The following GRID2IP variants were observed in gnomAD, a reference collection of about 807,000 sequenced individuals.
GRID2IP encodes the protein delphilin.
A neutral mutation model predicts 114.3 loss-of-function variants in GRID2IP; 78 were observed. The observed-to-expected ratio is 0.68, with a 90% CI of 0.57 to 0.82. GRID2IP has a LOEUF of 0.82. GRID2IP is among the 40% of genes least tolerant of loss of function. The probability of loss-of-function intolerance (pLI) is 0.00; values close to 1 mark genes in which losing one functional copy is unlikely to be tolerated. For synonymous variants in GRID2IP, 809 were observed against 724.0 expected (o/e 1.12, Z -1.89); for missense variants, 1,727 against 1,678.5 (o/e 1.03, Z -0.51).
chr7:6,511,123 G>A lies in GRID2IP; in HGVS notation c.1424-84C>T, dbSNP rs957146926. Reference sequence around the variant, plus strand: ...CCAAAACAGGGAGGGGAGGGCAGATGTCATCTGCACCAATATGCAGACCCC... The same window carrying A: ...CCAAAACAGGGAGGGGAGGGCAGATATCATCTGCACCAATATGCAGACCCC... On this transcript the variant is annotated intron_variant, in intron 8 of 21. Coordinates refer to ENST00000457091, the MANE Select transcript of GRID2IP (RefSeq NM_001145118.2). 3 of 1,313,500 alleles carry A rather than the reference G, an allele frequency of 2.3e-6. 1 individual carries two copies. The East Asian group carries it at 9.3e-5, about 41-fold the overall frequency. The allele number at this position is 1,313,500 out of a possible 1,614,324, so 81.4% of individuals were successfully genotyped here. A position where few individuals can be genotyped will look rare whatever the true frequency, so the allele number is the denominator to read the frequency against.
Position 6,536,252 on chromosome 7 carries a change from G to GA in GRID2IP, c.584+3465_584+3466insT, listed in dbSNP as rs1779720326. Among the ~76,000 whole-genome samples the GA allele has an allele frequency of 6.6e-6, 1 of 152,208 alleles. No homozygotes were observed. Among genetic ancestry groups the GA allele is most frequent in the Non-Finnish European group, 1.5e-5 (1 of 68,030 alleles). On this transcript the variant is annotated intron_variant, in intron 2 of 21. Coordinates refer to ENST00000457091, the MANE Select transcript of GRID2IP (RefSeq NM_001145118.2). This position sits in a 1 kb window ranked among gnomAD's most constrained non-coding sequence, Gnocchi z 5.3. Reference sequence around the variant, plus strand: ...ACATTCTCCTTGCGGAGCCCAGCTGGGCGCCGCCCCTTCCTCCAGCAGCCT... The same window carrying GA: ...ACATTCTCCTTGCGGAGCCCAGCTGGAGCGCCGCCCCTTCCTCCAGCAGCCT...
At chr7:6,514,629 G>T in intron 7 of GRID2IP, 100 bp from the exon 8 acceptor site, 1 of 1,053,648 alleles carries the variant, frequency 9.5e-7, no homozygotes, top group Non-Finnish European at 1.3e-6. Flanking sequence ...CACAGCGTCT[G>T]CCCTCATGCC....
At chr7:6,522,547 T>A (rs144067493) in intron 4 of GRID2IP, among the ~76,000 whole-genome samples, 1 of 152,000 alleles carries the variant, frequency 6.6e-6, no homozygotes. Flanking sequence ...AGTGCAGAGG[T>A]GTGATCACAG....
At position 6,536,917 on chromosome 7, in the gene GRID2IP, G is replaced by A. The variant is rs1355530114; in HGVS notation, c.584+2801C>T. The A allele has an allele frequency of 1.3e-5, 8 of 638,450 alleles. No homozygotes were observed. The highest frequency in any genetic ancestry group is 4.9e-5 in the South Asian group (3 of 60,940). The allele number at this position is 638,450 out of a possible 1,614,324, so 39.5% of individuals were successfully genotyped here. On this transcript the variant is annotated intron_variant, in intron 2 of 21. Coordinates refer to ENST00000457091, the MANE Select transcript of GRID2IP (RefSeq NM_001145118.2). This position sits in a 1 kb window ranked among gnomAD's most constrained non-coding sequence, Gnocchi z 5.3. ...GAGCTGCGCCGGGGCTGGGGTGGGC[G>A]GGGGGGCGGCGGGGAGGGTGGCCAG...
chr7:6,539,653 T>A, intron 2 of GRID2IP, 65 bp downstream of exon 2: 2 of 1,429,856 alleles, frequency 1.4e-6, no homozygotes, highest in South Asian at 1.4e-5. Context: ...GGGGTGGTTG[T>A]GAGGGAATGA....
intron 14 of GRID2IP, among the ~76,000 whole-genome samples, chr7:6,505,378 T>A (rs1332748181): frequency 7.9e-6 from 1 of 127,192 alleles, no homozygotes; most frequent in Non-Finnish European, 1.7e-5. Context: ...TTTTTTTTTT[T>A]AGACGGGGTC....
intron 4 of GRID2IP, among the ~76,000 whole-genome samples, chr7:6,525,037 G>A (rs184032450): frequency 3.8e-4 from 58 of 152,160 alleles, no homozygotes; most frequent in African/African-American, 1.2e-3. Flanking sequence ...CGAGTGTGGT[G>A]CTCTTGCCTG....
intron 16 of GRID2IP, 89 bp downstream of exon 16, chr7:6,503,402 A>G: frequency 7.6e-7 from 1 of 1,307,336 alleles, no homozygotes. Flanking sequence ...GCGGCCCCCG[A>G]AGGCGCGCGG....
At position 6,551,342 on chromosome 7, in the gene GRID2IP, A is replaced by G. The variant is rs915929511; in HGVS notation, c.95T>C (p.Val32Ala). Reference sequence around the variant, plus strand: ...GGCATGCGCGCTGCTCCCCTTGGCCACCTCCAGGACGAAGCAGGGGCCAGA... The same window carrying G: ...GGCATGCGCGCTGCTCCCCTTGGCCGCCTCCAGGACGAAGCAGGGGCCAGA... ...GGSGPCFVLE[V>A]AKGSSAHAGG... Residue 32 changes from valine (V) to alanine (A), a missense_variant, in exon 1 of 22, where the codon GTG becomes GCG. Coordinates refer to ENST00000457091, the MANE Select transcript of GRID2IP (RefSeq NM_001145118.2). The G allele has an allele frequency of 6.5e-7, 1 of 1,548,242 alleles. No homozygotes were observed. The highest frequency in any genetic ancestry group is 8.7e-7 in the Non-Finnish European group (1 of 1,146,550).
intron 7 of GRID2IP, among the ~76,000 whole-genome samples, chr7:6,517,822 G>T (rs546584381): frequency 2.6e-4 from 39 of 151,982 alleles, no homozygotes; most frequent in Non-Finnish European, 5.0e-4. Context: ...AGACACACTT[G>T]AACCGGGAAG....
At chr7:6,499,886 T>C (rs978498337) in intron 20 of GRID2IP, among the ~76,000 whole-genome samples, 2 of 151,942 alleles carry the variant, frequency 1.3e-5, no homozygotes, top group Non-Finnish European at 2.9e-5. Context: ...TGCACCACTA[T>C]GCCAGACTCA....
At position 6,532,356 on chromosome 7, in the gene GRID2IP, C is replaced by T. The variant is rs1779646367; in HGVS notation, c.585-5587G>A. 6.6e-6 allele frequency among the ~76,000 whole-genome samples: 1 copy of T among 152,104 alleles called. No homozygotes were observed. Among genetic ancestry groups the T allele is most frequent in the Admixed American group, 6.6e-5 (1 of 15,264 alleles). ...GAGGCAAGATGCCCCGGGGACTTTC[C>T]CTCTGTCTCACTCAGAGGGACAGCT... On this transcript the variant is annotated intron_variant, in intron 2 of 21. Coordinates refer to ENST00000457091, the MANE Select transcript of GRID2IP (RefSeq NM_001145118.2). The surrounding 1 kb of genome is among the most constrained non-coding windows in gnomAD (Gnocchi z 4.4).
rs1258384748 is a variant in GRID2IP, at chr7:6,502,994, G to C, written c.3063+14C>G. On this transcript the variant is annotated intron_variant, in intron 17 of 21. Transcript: ENST00000457091. ...AGAAGCAGATAGGGTGCCAGGAAGG[G>C]TACGCCCACTGACCTCCAGGATCTT... 9 of 1,551,474 alleles carry C rather than the reference G, an allele frequency of 5.8e-6. No homozygotes were observed. The highest frequency in any genetic ancestry group is 1.4e-5 in the African/African-American group (1 of 73,182).
intron 4 of GRID2IP, among the ~76,000 whole-genome samples, chr7:6,522,807 A>ATATGTGTGTGTGTGTG (rs1779437651): frequency 1.4e-5 from 2 of 147,574 alleles, no homozygotes; most frequent in Admixed American, 6.8e-5. Context: ...CCTGGCTAAT[A>ATATGTGTGTGTGTGTG]TGTGTGTGTG....
At position 6,534,997 on chromosome 7, in the gene GRID2IP, T is replaced by C. The variant is rs1779699834; in HGVS notation, c.584+4721A>G. Among the ~76,000 whole-genome samples, 1 of 152,246 alleles carries C rather than the reference T, an allele frequency of 6.6e-6. No homozygotes were observed. Among genetic ancestry groups the C allele is most frequent in the Non-Finnish European group, 1.5e-5 (1 of 68,042 alleles). ...GCCTCCCAGGTTCAAGCGATGCTCC[T>C]GCCTCAGCCTCCCGAGTAGCTGGGA... On this transcript the variant is annotated intron_variant, in intron 2 of 21. Transcript: ENST00000457091. This position sits in a 1 kb window ranked among gnomAD's most constrained non-coding sequence, Gnocchi z 4.5.
At chr7:6,525,221 C>T (rs1779486588) in intron 4 of GRID2IP, among the ~76,000 whole-genome samples, 2 of 151,922 alleles carry the variant, frequency 1.3e-5, no homozygotes, top group Non-Finnish European at 2.9e-5. Context: ...GCAGGAGAAT[C>T]GCTTGCACCT....
chr7:6,548,985 G>A (rs944623824), intron 1 of GRID2IP, among the ~76,000 whole-genome samples: 8 of 152,008 alleles, frequency 5.3e-5, no homozygotes, highest in Admixed American at 2.0e-4. Flanking sequence ...TTTCCTAGTC[G>A]CACACAGGAT....
At chr7:6,539,199 G>C (rs1779776679) in intron 2 of GRID2IP, among the ~76,000 whole-genome samples, 1 of 151,288 alleles carries the variant, frequency 6.6e-6, no homozygotes, top group Non-Finnish European at 1.5e-5. Context: ...CACAATCATA[G>C]CTCACTGCAG....
Position 6,507,963 on chromosome 7 carries a change from T to A in GRID2IP, c.2544+22A>T. 1.9e-6 allele frequency: 3 copies of A among 1,549,614 alleles called. No individual in the cohort carries two copies. The highest frequency in any genetic ancestry group is 2.6e-6 in the Non-Finnish European group (3 of 1,146,602). On this transcript the variant is annotated intron_variant, in intron 13 of 21. Coordinates refer to ENST00000457091, the MANE Select transcript of GRID2IP (RefSeq NM_001145118.2). This position sits in a 1 kb window ranked among gnomAD's most constrained non-coding sequence, Gnocchi z 5.3. ...GCCATCCTCCCCCAGTACAGAGCGCTGCTGGGTCCCAGGTCACCTACCTGA... is the reference window on the plus strand; with the variant it reads ...GCCATCCTCCCCCAGTACAGAGCGCAGCTGGGTCCCAGGTCACCTACCTGA...
Sources: allele counts gnomAD v4.1 joint callset (sites outside exome capture counted in the v4.1 genomes callset), GRCh38; gene constraint gnomAD v4.1.1; non-coding constraint Gnocchi (gnomAD v3.1); transcripts MANE v1.5; gene names NCBI Gene and HGNC (gene_info 2026-07-23, HGNC 2026-07-21).